SLC12A7: variants seen among roughly 807,000 people sequenced by gnomAD.
SLC12A7 encodes solute carrier family 12 member 7.
SLC12A7 carries 100 observed loss-of-function variants against 120.6 expected under a neutral mutation model. That is an observed-to-expected ratio of 0.83 (90% CI 0.71 to 0.98). The LOEUF (loss-of-function observed/expected upper bound fraction) is 0.98. Among genes scored for constraint, SLC12A7 ranks in the 50% least tolerant of loss-of-function variants. The pLI is 0.00. For synonymous variants in SLC12A7, 760 were observed against 678.0 expected (o/e 1.12, Z -1.88); for missense variants, 1,373 against 1,548.1 (o/e 0.89, Z 1.90).
At chr5:1,061,097 C>T (rs1446821905) in intron 20 of SLC12A7, among the ~76,000 whole-genome samples, 3 of 56,296 alleles carry the variant, frequency 5.3e-5, no homozygotes, top group African/African-American at 1.2e-4. Flanking sequence ...CATGCGGAAC[C>T]CCTGCGTCTC....
chr5:1,062,444 G>A (rs1940706381), intron 20 of SLC12A7, among the ~76,000 whole-genome samples: 1 of 152,240 alleles, frequency 6.6e-6, no homozygotes, highest in South Asian at 2.1e-4. Context: ...TAAGCCCAGT[G>A]TACAAAACTG....
rs775276241 is a variant in SLC12A7 at position 1,077,917 on chromosome 5, G to A, written c.1545C>T (p.Thr515=). The A allele has an allele frequency of 6.9e-6, 11 of 1,601,090 alleles. No individual in the cohort carries two copies. In the African/African-American group the frequency reaches 1.2e-4, roughly 18 times the overall value. Residue 515 remains threonine, a synonymous_variant, in exon 12 of 24, where the codon ACC becomes ACT. Transcript: ENST00000264930. The part of the protein sequence containing the change: ...WVIVIGSFFS[T]CGAGLQSLTG... ...TGAGGCTCTGCAGGCCGGCACCGCA[G>A]GTGGAGAAGAAGGAGCCGATGACGA...
At chr5:1,067,206 T>C (rs1318061145) in intron 17 of SLC12A7, among the ~76,000 whole-genome samples, 1 of 152,220 alleles carries the variant, frequency 6.6e-6, no homozygotes, top group African/African-American at 2.4e-5. Context: ...GATATGCTCC[T>C]CTTTGAGACT....
At chr5:1,140,526 C>A in the SLC12A7 span, among the ~76,000 whole-genome samples, 4 of 152,322 alleles carry the variant, frequency 2.6e-5, no homozygotes, top group Non-Finnish European at 5.9e-5. Context: ...GGCTTCCCCT[C>A]CCCACAGCTG....
At chr5:1,130,751 A>G in the SLC12A7 span, among the ~76,000 whole-genome samples, 1 of 152,206 alleles carries the variant, frequency 6.6e-6, no homozygotes, top group Non-Finnish European at 1.5e-5. Flanking sequence ...CCTGCCAGGG[A>G]AACCCAGCAC....
chr5:1,059,978 G>A (rs1372256340), intron 21 of SLC12A7, among the ~76,000 whole-genome samples: 1 of 152,260 alleles, frequency 6.6e-6, no homozygotes, highest in East Asian at 1.9e-4. Flanking sequence ...CCCTGTCAGA[G>A]GGCACTGCCC....
intron 22 of SLC12A7, among the ~76,000 whole-genome samples, chr5:1,056,844 T>C (rs1735668091): frequency 6.6e-6 from 1 of 152,194 alleles, no homozygotes; most frequent in African/African-American, 2.4e-5. Context: ...GCAAGGACCC[T>C]GTACAGCCCT....
rs748476541 is a variant in SLC12A7, at chr5:1,073,770, C to T, written c.2104G>A (p.Ala702Thr). Residue 702 changes from alanine (A) to threonine (T), a missense_variant, in exon 17 of 24, where the codon GCG becomes ACG. By Grantham distance (58) the Ala-to-Thr change is moderately conservative. Coordinates refer to ENST00000264930, the MANE Select transcript of SLC12A7 (RefSeq NM_006598.3). ...CGGGGGTGCTTCACGGCCTGCTCCG[C>T]GTCCAGGTTCAGCATCACCAGCACC... is the stretch of plus-strand genomic sequence containing the variant. ...PQVLVMLNLD[A>T]EQAVKHPRLL... The T allele has an allele frequency of 3.7e-5, 55 of 1,480,356 alleles. 1 individual carries two copies. In the South Asian group the frequency reaches 5.5e-4, roughly 15 times the overall value. 91.7% of individuals were successfully genotyped at this position (1,480,356 alleles called of 1,614,324 possible).
chr5:1,152,867 A>G, the SLC12A7 span, among the ~76,000 whole-genome samples: 1 of 152,196 alleles, frequency 6.6e-6, no homozygotes, highest in East Asian at 1.9e-4. Flanking sequence ...GGAGGATTAG[A>G]AAGTTCATCT....
chr5:1,067,361 G>A (rs1737166058), intron 17 of SLC12A7, among the ~76,000 whole-genome samples: 1 of 152,236 alleles, frequency 6.6e-6, no homozygotes, highest in Non-Finnish European at 1.5e-5. Flanking sequence ...GGAAGGCACA[G>A]GGAAGCACCC....
chr5:1,096,718 AG>A (rs1407581423), intron 1 of SLC12A7, among the ~76,000 whole-genome samples: 1 of 38,768 alleles, frequency 2.6e-5, no homozygotes, highest in Admixed American at 2.1e-4. Flanking sequence ...GGAGGGAGGA[AG>A]GAAAGGAGGG....
At chr5:1,143,938 C>T in the SLC12A7 span, among the ~76,000 whole-genome samples, 1 of 151,854 alleles carries the variant, frequency 6.6e-6, no homozygotes, top group Non-Finnish European at 1.5e-5. Context: ...GAAACCTGGC[C>T]TCCTGGGCAC....
In SLC12A7 at chr5:1,060,330, C is replaced by T. The variant is rs185652024; in HGVS notation, c.2847+14G>A. ...TCAGAAAGCCTGGTGTCTGTGGCCA[C>T]GGCCCCCACGTACCTCTCGCTCCTG... On this transcript the variant is annotated intron_variant, in intron 21 of 23. Transcript: ENST00000264930. 22 of 1,593,296 alleles carry T rather than the reference C, an allele frequency of 1.4e-5. 1 individual carries two copies. Among genetic ancestry groups the T allele is most frequent in the East Asian group, 1.1e-4 (5 of 44,806 alleles).
At chr5:1,135,357 G>A in the SLC12A7 span, among the ~76,000 whole-genome samples, 13 of 151,444 alleles carry the variant, frequency 8.6e-5, no homozygotes, top group African/African-American at 2.2e-4. Flanking sequence ...ACCATGCTCC[G>A]TTTTCCAGGG....
At chr5:1,067,856 G>A (rs1340758110) in intron 17 of SLC12A7, among the ~76,000 whole-genome samples, 1 of 148,916 alleles carries the variant, frequency 6.7e-6, no homozygotes, top group African/African-American at 2.4e-5. Context: ...TCACAAGTCA[G>A]CACCGTGTCG....
the SLC12A7 span, among the ~76,000 whole-genome samples, chr5:1,124,847 A>C: frequency 6.6e-6 from 1 of 152,232 alleles, no homozygotes; most frequent in African/African-American, 2.4e-5. Context: ...CAGTGCTTGC[A>C]CTAACCGGAG....
intron 3 of SLC12A7, among the ~76,000 whole-genome samples, chr5:1,092,415 T>C (rs1375157877): frequency 6.6e-6 from 1 of 152,178 alleles, no homozygotes; most frequent in Non-Finnish European, 1.5e-5. Flanking sequence ...CCACCCTCCC[T>C]GGACCTGGGG....
intron 18 of SLC12A7, among the ~76,000 whole-genome samples, chr5:1,064,964 G>A (rs1736849887): frequency 1.4e-5 from 2 of 146,322 alleles, no homozygotes; most frequent in Non-Finnish European, 3.0e-5. Flanking sequence ...ATGGTGAGGG[G>A]ACGGTTAGGG....
intron 22 of SLC12A7, among the ~76,000 whole-genome samples, chr5:1,055,077 G>A (rs372620256): frequency 1.3e-5 from 2 of 152,142 alleles, no homozygotes; most frequent in Admixed American, 6.5e-5. Flanking sequence ...TATGCCGGCC[G>A]CCACAGCAAG....
Sources: gnomAD v4.1 joint callset for allele counts (sites outside exome capture counted in the v4.1 genomes callset) on GRCh38, gnomAD v4.1.1 for gene constraint, MANE v1.5 for transcripts, NCBI Gene and HGNC (gene_info 2026-07-23, HGNC 2026-07-21) for gene names.